The following RANBP17 variants were observed in gnomAD, a reference collection of about 807,000 sequenced individuals.
RANBP17 encodes ran-binding protein 17.
Under a neutral mutation model 141.2 loss-of-function variants are expected in RANBP17, and 158 were observed. That is an observed-to-expected ratio of 1.12 (90% CI 0.98 to 1.28). RANBP17 has a LOEUF of 1.28. Ranked by LOEUF, RANBP17 falls within the 50% of genes most tolerant of loss-of-function variation. The pLI, the probability that RANBP17 is intolerant of heterozygous loss-of-function variation, is 0.00. For synonymous variants in RANBP17, 430 were observed against 450.0 expected (o/e 0.96, Z 0.56); for missense variants, 1,438 against 1,290.7 (o/e 1.11, Z -1.75).
At chr5:171,264,312 T>C (rs1473838691) in intron 24 of RANBP17, among the ~76,000 whole-genome samples, 2 of 152,176 alleles carry the variant, frequency 1.3e-5, no homozygotes, top group Non-Finnish European at 2.9e-5. Context: ...GCTTGGGTGA[T>C]GGGTGCACCA....
At chr5:171,165,427 C>T (rs1192430591) in intron 14 of RANBP17, among the ~76,000 whole-genome samples, 1 of 152,162 alleles carries the variant, frequency 6.6e-6, no homozygotes, top group Non-Finnish European at 1.5e-5. Context: ...ATCCTCCCAC[C>T]TCGGCCTCCC....
chr5:171,127,976 G>A (rs1443037210), intron 14 of RANBP17, among the ~76,000 whole-genome samples: 1 of 152,148 alleles, frequency 6.6e-6, no homozygotes, highest in East Asian at 1.9e-4. Flanking sequence ...GGCTAGCACG[G>A]TGAAACCCCG....
chr5:171,087,076 T>A (rs1224131915), intron 14 of RANBP17, among the ~76,000 whole-genome samples: 1 of 134,196 alleles, frequency 7.5e-6, no homozygotes, highest in Non-Finnish European at 1.6e-5. Flanking sequence ...TTTTGGATCT[T>A]TCCTGCTTTC....
chr5:170,886,166 A>G (rs753796516), intron 3 of RANBP17, among the ~76,000 whole-genome samples: 3 of 152,152 alleles, frequency 2.0e-5, no homozygotes, highest in Non-Finnish European at 4.4e-5. Context: ...TTCAGAGGCT[A>G]AATTAGAGAT....
At chr5:171,095,921 TAAAG>T (rs1028323895) in intron 14 of RANBP17, among the ~76,000 whole-genome samples, 2 of 152,096 alleles carry the variant, frequency 1.3e-5, no homozygotes, top group South Asian at 2.1e-4. Flanking sequence ...GCCCTTAAAA[TAAAG>T]GAAGGTAGGG....
At chr5:170,872,161 T>G (rs1767793927) in intron 1 of RANBP17, among the ~76,000 whole-genome samples, 1 of 152,190 alleles carries the variant, frequency 6.6e-6, no homozygotes, top group Non-Finnish European at 1.5e-5. Context: ...GGATGGAATG[T>G]TTTTCCATTT....
intron 14 of RANBP17, among the ~76,000 whole-genome samples, chr5:171,013,904 CTT>C (rs1780249766): frequency 1.3e-5 from 2 of 152,002 alleles, no homozygotes; most frequent in Non-Finnish European, 2.9e-5. Context: ...TCCTGATTCT[CTT>C]TGTACTTGGT....
At chr5:170,971,854 C>G (rs1220540810) in intron 14 of RANBP17, among the ~76,000 whole-genome samples, 1 of 152,102 alleles carries the variant, frequency 6.6e-6, no homozygotes, top group Non-Finnish European at 1.5e-5. Flanking sequence ...CCACTCCACT[C>G]TATTTTCCAT....
At chr5:171,093,796 C>G (rs543935697) in intron 14 of RANBP17, among the ~76,000 whole-genome samples, 2 of 152,262 alleles carry the variant, frequency 1.3e-5, no homozygotes, top group South Asian at 4.1e-4. Context: ...TAGAGTAATG[C>G]AGACTAAATC....
intron 12 of RANBP17, among the ~76,000 whole-genome samples, chr5:170,943,926 C>G (rs1454962863): frequency 1.3e-5 from 2 of 152,128 alleles, no homozygotes; most frequent in Non-Finnish European, 2.9e-5. Flanking sequence ...GTATTACTAA[C>G]TATAGTCCTC....
Position 170,972,404 on chromosome 5 carries a change from G to A in RANBP17, c.1710+4027G>A, listed in dbSNP as rs190012510. Among the ~76,000 whole-genome samples, 624 of 152,014 alleles carry A rather than the reference G, an allele frequency of 4.1e-3. 5 individuals carry two copies. Among genetic ancestry groups the A allele is most frequent in the African/African-American group, 0.014 (600 of 41,468 alleles). On this transcript the variant is annotated intron_variant, in intron 14 of 27. Coordinates refer to ENST00000523189, the MANE Select transcript of RANBP17 (RefSeq NM_022897.5). ...TCACCATGTTGGCCAGGCTGGTTTC[G>A]AACTCCTGACCTCAGGTGATCCACC...
intron 14 of RANBP17, among the ~76,000 whole-genome samples, chr5:170,972,999 C>A (rs1245832282): frequency 6.6e-6 from 1 of 152,128 alleles, no homozygotes; most frequent in Admixed American, 6.5e-5. Context: ...GAAATCATTT[C>A]TTTTCATTCC....
At chr5:170,983,164 G>C (rs1777889191) in intron 14 of RANBP17, 1 of 498,354 alleles carries the variant, frequency 2.0e-6, no homozygotes, top group Non-Finnish European at 3.8e-6. Context: ...TCAAACACAG[G>C]AGAGAGGCTA....
At chr5:171,076,695 G>A (rs1462502417) in intron 14 of RANBP17, among the ~76,000 whole-genome samples, 3 of 152,062 alleles carry the variant, frequency 2.0e-5, no homozygotes, top group Non-Finnish European at 2.9e-5. Flanking sequence ...CCAAAGAGGG[G>A]GATGCAGATG....
chr5:170,998,925 G>A (rs956535760), intron 14 of RANBP17, among the ~76,000 whole-genome samples: 2 of 151,918 alleles, frequency 1.3e-5, no homozygotes, highest in African/African-American at 4.8e-5. Flanking sequence ...TTGCTTACGT[G>A]TTATTTTATA....
intron 14 of RANBP17, among the ~76,000 whole-genome samples, chr5:171,142,355 A>C (rs1364570053): frequency 6.6e-6 from 1 of 152,208 alleles, no homozygotes; most frequent in South Asian, 2.1e-4. Context: ...GAGTACAACT[A>C]TACAGCTCTA....
chr5:170,903,750 G>C (rs1561873861), intron 5 of RANBP17: 1 of 314,650 alleles, frequency 3.2e-6, no homozygotes, highest in African/African-American at 2.2e-5. Context: ...TGGAAAGTTG[G>C]GTACAACTGT....
chr5:170,932,246 C>T (rs1034429613), intron 12 of RANBP17, among the ~76,000 whole-genome samples: 2 of 152,130 alleles, frequency 1.3e-5, no homozygotes, highest in African/African-American at 4.8e-5. Context: ...GTGATTTTTG[C>T]ACACTGATTT....
At chr5:171,268,455 G>A (rs921665137) in intron 25 of RANBP17, among the ~76,000 whole-genome samples, 1 of 152,264 alleles carries the variant, frequency 6.6e-6, no homozygotes, top group South Asian at 2.1e-4. Flanking sequence ...CACACCATTG[G>A]TATTCAAGGT....
Sources: allele counts gnomAD v4.1 joint callset (sites outside exome capture counted in the v4.1 genomes callset), GRCh38; gene constraint gnomAD v4.1.1; transcripts MANE v1.5; gene names NCBI Gene and HGNC (gene_info 2026-07-23, HGNC 2026-07-21).